Variants in GRM5 observed in about 807,000 individuals in gnomAD.
GRM5 encodes the protein metabotropic glutamate receptor 5.
In GRM5, 19 loss-of-function variants were observed where a neutral mutation model predicts 83.1. The observed-to-expected ratio is 0.23, with a 90% CI of 0.16 to 0.34. GRM5 has a LOEUF of 0.34. Among genes scored for constraint, GRM5 ranks in the 10% least tolerant of loss-of-function variants. GRM5 has a pLI of 1.00. For synonymous variants in GRM5, 675 were observed against 633.6 expected (o/e 1.07, Z -0.98); for missense variants, 1,160 against 1,588.3 (o/e 0.73, Z 4.58).
intron 2 of GRM5, among the ~76,000 whole-genome samples, chr11:88,862,138 C>A (rs185396442): frequency 3.3e-4 from 51 of 152,294 alleles, no homozygotes; most frequent in Admixed American, 1.4e-3. Context: ...AAGGACAGCA[C>A]AGCTTAGTCA....
chr11:88,815,058 C>T (rs1420530667), intron 3 of GRM5, among the ~76,000 whole-genome samples: 1 of 152,162 alleles, frequency 6.6e-6, no homozygotes, highest in Admixed American at 6.5e-5. Context: ...TAGACTTGAA[C>T]AACCCATCAC....
chr11:88,645,442 C>A (rs61902889), intron 4 of GRM5, among the ~76,000 whole-genome samples: 1 of 151,978 alleles, frequency 6.6e-6, no homozygotes, highest in Admixed American at 6.6e-5. Context: ...AGGAGCTTAA[C>A]TGGGCATGCA....
At chr11:88,993,012 T>TAATAAATAA (rs1420465917) in intron 2 of GRM5, among the ~76,000 whole-genome samples, 16 of 148,832 alleles carry the variant, frequency 1.1e-4, no homozygotes, top group Non-Finnish European at 2.4e-4. Context: ...ACTTAAAGTA[T>TAATAAATAA]AATAAATAAA....
intron 4 of GRM5, among the ~76,000 whole-genome samples, chr11:88,642,262 T>C (rs911718398): frequency 6.6e-6 from 1 of 152,246 alleles, no homozygotes; most frequent in Middle Eastern, 3.4e-3. Context: ...GGCCTGGATG[T>C]GGGTAACAAC....
At chr11:88,795,908 T>TA (rs1025785406) in intron 3 of GRM5, among the ~76,000 whole-genome samples, 15 of 152,190 alleles carry the variant, frequency 9.9e-5, no homozygotes, top group Admixed American at 2.6e-4. Context: ...GCTTTCTTGA[T>TA]AAAAAAAGAA....
At chr11:88,638,787 T>C (rs1939210660) in intron 4 of GRM5, among the ~76,000 whole-genome samples, 1 of 152,136 alleles carries the variant, frequency 6.6e-6, no homozygotes, top group Admixed American at 6.5e-5. Flanking sequence ...TTATTTTCTT[T>C]TTCATATCTA....
Position 88,589,040 on chromosome 11 carries a change from T to C in GRM5, c.1690+1561A>G, listed in dbSNP as rs57404508. On this transcript the variant is annotated intron_variant, in intron 7 of 9. Coordinates refer to ENST00000305447, the MANE Select transcript of GRM5 (RefSeq NM_001143831.3). Reference sequence around the variant, plus strand: ...ACAGAACATGAGACAAAAAGTTACATCTGTATATTCATTCACAAGGTGCTT... The same window carrying C: ...ACAGAACATGAGACAAAAAGTTACACCTGTATATTCATTCACAAGGTGCTT... Among the ~76,000 whole-genome samples the C allele has an allele frequency of 6.0e-3, 921 of 152,278 alleles. 8 individuals are homozygous for C. Among genetic ancestry groups the C allele is most frequent in the African/African-American group, 0.021 (889 of 41,570 alleles).
intron 2 of GRM5, among the ~76,000 whole-genome samples, chr11:88,995,874 G>A (rs1302251114): frequency 6.6e-6 from 1 of 152,010 alleles, no homozygotes; most frequent in Non-Finnish European, 1.5e-5. Context: ...GGGGCTCTGG[G>A]CATGGAAAGA....
chr11:88,591,003 A>T lies in GRM5; in HGVS notation c.1564-276T>A, dbSNP rs1469330236. Among the ~76,000 whole-genome samples the T allele has an allele frequency of 2.6e-5, 4 of 152,164 alleles. No homozygotes were observed. In the East Asian group the frequency reaches 7.7e-4, roughly 29 times the overall value. On this transcript the variant is annotated intron_variant, in intron 6 of 9. Transcript: ENST00000305447. ...TAATTAGCCTTGGAAACCTGTATTTAATTAAGTACCTGTGCTTGTGCTCAT... is the reference window on the plus strand; with the variant it reads ...TAATTAGCCTTGGAAACCTGTATTTTATTAAGTACCTGTGCTTGTGCTCAT...
intron 1 of GRM5, among the ~76,000 whole-genome samples, chr11:89,060,250 A>G (rs1166965624): frequency 6.8e-6 from 1 of 147,298 alleles, no homozygotes; most frequent in African/African-American, 2.5e-5. Context: ...TTTGCCTTTT[A>G]CATATATGGT....
chr11:89,006,167 A>G (rs1393988845), intron 2 of GRM5, among the ~76,000 whole-genome samples: 2 of 152,228 alleles, frequency 1.3e-5, no homozygotes, highest in Non-Finnish European at 1.5e-5. Flanking sequence ...ATTTATAATT[A>G]AAGAACCTGG....
At chr11:88,779,530 AC>A (rs1242785632) in intron 3 of GRM5, among the ~76,000 whole-genome samples, 1 of 152,148 alleles carries the variant, frequency 6.6e-6, no homozygotes, top group Non-Finnish European at 1.5e-5. Flanking sequence ...AATTTCAATA[AC>A]AGAATTTTTT....
intron 1 of GRM5, among the ~76,000 whole-genome samples, chr11:89,050,350 G>T (rs1361625112): frequency 6.6e-6 from 1 of 152,008 alleles, no homozygotes; most frequent in Non-Finnish European, 1.5e-5. Flanking sequence ...AAATATTTAT[G>T]GTATGTATAT....
chr11:88,542,532 A>C (rs996248839), intron 8 of GRM5, among the ~76,000 whole-genome samples: 2 of 152,182 alleles, frequency 1.3e-5, no homozygotes, highest in African/African-American at 4.8e-5. Context: ...AAAGAGATCT[A>C]TTGGTCACAA....
intron 3 of GRM5, among the ~76,000 whole-genome samples, chr11:88,735,529 C>T (rs1044908718): frequency 2.0e-5 from 3 of 151,980 alleles, no homozygotes; most frequent in African/African-American, 7.2e-5. Flanking sequence ...CAAGGAAATC[C>T]TGGAAGTAGG....
At chr11:88,789,372 GA>G (rs1943129800) in intron 3 of GRM5, among the ~76,000 whole-genome samples, 1 of 151,556 alleles carries the variant, frequency 6.6e-6, no homozygotes, top group African/African-American at 2.4e-5. Context: ...AAAGAAAAAA[GA>G]AAAAAAGAAA....
chr11:88,899,973 A>G (rs546451668), intron 2 of GRM5, among the ~76,000 whole-genome samples: 3 of 152,234 alleles, frequency 2.0e-5, no homozygotes, highest in African/African-American at 7.2e-5. Context: ...ATGTAAGAAG[A>G]CTTTAAAAGA....
chr11:88,531,015 C>A (rs1307266711), intron 8 of GRM5, among the ~76,000 whole-genome samples: 3 of 152,036 alleles, frequency 2.0e-5, no homozygotes, highest in Admixed American at 6.6e-5. Flanking sequence ...GACAGAAGTT[C>A]TTTATCCAGA....
intron 2 of GRM5, among the ~76,000 whole-genome samples, chr11:88,939,919 T>C (rs1040418285): frequency 1.3e-5 from 2 of 151,952 alleles, no homozygotes; most frequent in African/African-American, 2.4e-5. Flanking sequence ...TAACTGTACA[T>C]AGGCTGGGGT....
Sources: allele counts gnomAD v4.1 joint callset (sites outside exome capture counted in the v4.1 genomes callset), GRCh38; gene constraint gnomAD v4.1.1; transcripts MANE v1.5; gene names NCBI Gene and HGNC (gene_info 2026-07-23, HGNC 2026-07-21).